PCSK6: variants seen among roughly 807,000 people sequenced by gnomAD.
PCSK6 encodes the protein paired basic amino acid cleaving enzyme 4.
In PCSK6, 85 loss-of-function variants were observed where a neutral mutation model predicts 123.3. The observed-to-expected ratio is 0.69, with a 90% CI of 0.58 to 0.83. PCSK6 has a LOEUF of 0.83. Among genes scored for constraint, PCSK6 ranks in the 40% least tolerant of loss-of-function variants. The probability of loss-of-function intolerance (pLI) is 0.00; values close to 1 mark genes in which losing one functional copy is unlikely to be tolerated. For missense variants in PCSK6, 1,191 were observed against 1,282.3 expected (o/e 0.93, Z 1.09); for synonymous variants, 508 against 516.0 (o/e 0.98, Z 0.21).
chr15:101,324,931 A>G lies in PCSK6; in HGVS notation c.2296T>C (p.Ser766Pro). ...TGGTGATAGAACCCGCGGCGGCAAG[A>G]CAGGCACTGCGTCGCAGCTCTGCTG... ...CSSRAATQCL[S>P]CRRGFYHHQE... The change falls in exon 17 of 22, where the codon TCT becomes CCT. Residue 766 changes from serine to proline, a missense_variant. By Grantham distance (74) the Ser-to-Pro change is moderately conservative (BLOSUM62 -1). Transcript: ENST00000611716. The G allele has an allele frequency of 6.2e-7, 1 of 1,613,530 alleles. No individual in the cohort carries two copies. Among genetic ancestry groups the G allele is most frequent in the East Asian group, 2.2e-5 (1 of 44,868 alleles).
intron 6 of PCSK6, among the ~76,000 whole-genome samples, chr15:101,402,794 G>C (rs78240971): frequency 0.14 from 21,870 of 152,008 alleles, 1,703 homozygotes; most frequent in African/African-American, 0.21. Context: ...AGGATGTGGA[G>C]AAATAGGAAC....
chr15:101,489,344 T>G, intron 1 of PCSK6, 30 bp downstream of exon 1: 1 of 1,122,532 alleles, frequency 8.9e-7, no homozygotes, highest in Non-Finnish European at 1.1e-6. Context: ...GCCGGGAAAG[T>G]TTTGGGCGCG....
At chr15:101,487,833 C>CA (rs1457730672) in intron 1 of PCSK6, among the ~76,000 whole-genome samples, 1 of 151,954 alleles carries the variant, frequency 6.6e-6, no homozygotes, top group African/African-American at 2.4e-5. Flanking sequence ...TACCCGACGG[C>CA]AAAATCTGAA....
chr15:101,442,457 C>T (rs567315783), intron 2 of PCSK6, among the ~76,000 whole-genome samples: 6 of 152,112 alleles, frequency 3.9e-5, no homozygotes, highest in Non-Finnish European at 5.9e-5. Flanking sequence ...AATCAAAACC[C>T]TCACCATGCG....
Position 101,389,677 on chromosome 15 carries a change from C to T in PCSK6, c.1210-113G>A, listed in dbSNP as rs924750966. 189 of 768,530 alleles carry T rather than the reference C, an allele frequency of 2.5e-4. 1 individual carries two copies. In the Middle Eastern group the frequency reaches 3.0e-3, roughly 12 times the overall value. The allele number at this position is 768,530 out of a possible 1,614,324, so 47.6% of individuals were successfully genotyped here. On this transcript the variant is annotated intron_variant, in intron 8 of 21. Transcript: ENST00000611716. Reference sequence around the variant, plus strand: ...AACTGGCAAGCGTGACCCTGGGTCTCGGGAACAAATAAGGTGTTAGGCAAA... The same window carrying T: ...AACTGGCAAGCGTGACCCTGGGTCTTGGGAACAAATAAGGTGTTAGGCAAA...
intron 13 of PCSK6, among the ~76,000 whole-genome samples, chr15:101,332,929 T>G (rs1054954039): frequency 1.3e-5 from 2 of 152,262 alleles, no homozygotes; most frequent in African/African-American, 4.8e-5. Context: ...TATGACAGTT[T>G]GACTTACAAT....
chr15:101,373,072 G>A (rs1392677741), intron 11 of PCSK6, among the ~76,000 whole-genome samples: 2 of 149,868 alleles, frequency 1.3e-5, no homozygotes, highest in African/African-American at 2.4e-5. Flanking sequence ...CCCACAGAGC[G>A]AACACCTAGA....
chr15:101,458,641 C>T (rs531526651), intron 1 of PCSK6, among the ~76,000 whole-genome samples: 6 of 152,284 alleles, frequency 3.9e-5, no homozygotes, highest in Admixed American at 2.0e-4. Flanking sequence ...GCGCGACTGA[C>T]GGTCCCAAAG....
At chr15:101,373,555 T>C (rs2141476766) in intron 11 of PCSK6, among the ~76,000 whole-genome samples, 1 of 152,148 alleles carries the variant, frequency 6.6e-6, no homozygotes, top group Non-Finnish European at 1.5e-5. Context: ...TAACCTAACA[T>C]CCCCAATTAG....
intron 17 of PCSK6, among the ~76,000 whole-genome samples, chr15:101,323,135 G>A (rs963419344): frequency 6.6e-6 from 1 of 152,322 alleles, no homozygotes; most frequent in Admixed American, 6.5e-5. Flanking sequence ...ATCTGGGTTG[G>A]CGCCTCATGA....
chr15:101,443,269 T>C (rs1272572638), intron 2 of PCSK6, among the ~76,000 whole-genome samples: 1 of 152,222 alleles, frequency 6.6e-6, no homozygotes, highest in Non-Finnish European at 1.5e-5. Context: ...AATTTCATTA[T>C]TAAAATACTT....
At chr15:101,489,263 C>T in intron 1 of PCSK6, 111 bp downstream of exon 1, 1 of 692,912 alleles carries the variant, frequency 1.4e-6, no homozygotes, top group African/African-American at 2.5e-5. Flanking sequence ...CGGAGCCTTC[C>T]CACGCGCGCG....
At chr15:101,312,728 A>C (rs955249882) in intron 20 of PCSK6, among the ~76,000 whole-genome samples, 1 of 152,108 alleles carries the variant, frequency 6.6e-6, no homozygotes, top group African/African-American at 2.4e-5. Context: ...GCTACTCGGC[A>C]GGTTGAGGCA....
intron 1 of PCSK6, among the ~76,000 whole-genome samples, chr15:101,454,320 T>C (rs1047313500): frequency 2.6e-5 from 4 of 152,214 alleles, no homozygotes; most frequent in African/African-American, 9.6e-5. Context: ...AATATCTGCA[T>C]ACCCGTGTTC....
chr15:101,359,166 G>T (rs948136230), intron 13 of PCSK6, among the ~76,000 whole-genome samples: 1 of 152,204 alleles, frequency 6.6e-6, no homozygotes, highest in Non-Finnish European at 1.5e-5. Context: ...AGCTTGCATG[G>T]AATGAACTGA....
At chr15:101,474,654 G>A (rs1225478804) in intron 1 of PCSK6, among the ~76,000 whole-genome samples, 1 of 152,088 alleles carries the variant, frequency 6.6e-6, no homozygotes, top group Non-Finnish European at 1.5e-5. Flanking sequence ...TGACACCTCT[G>A]ACCCACTCTC....
intron 19 of PCSK6, 141 bp from the exon 20 acceptor site, chr15:101,313,646 C>G (rs1009764580): frequency 1.5e-6 from 2 of 1,314,396 alleles, no homozygotes; most frequent in Non-Finnish European, 1.0e-6. Flanking sequence ...TTCCCAGGTT[C>G]TGTGAGCTGG....
In PCSK6 at chr15:101,382,117, C is replaced by A. The variant is rs770089107; in HGVS notation, c.1507G>T (p.Val503Leu). 32 of 1,610,496 alleles carry A rather than the reference C, an allele frequency of 2.0e-5. No individual in the cohort carries two copies. Among genetic ancestry groups the A allele is most frequent in the Non-Finnish European group, 2.6e-5 (31 of 1,178,494 alleles). Residue 503 changes from valine (V) to leucine (L), a missense_variant, in exon 11 of 22, where the codon GTG becomes TTG. Transcript: ENST00000611716. ...WTAVPSQHMC[V>L]AASDKRPRSI... The stretch of plus-strand genomic sequence containing the variant: ...CTGGGTCTCTTGTCCGAGGCGGCCA[C>A]ACACATGTGCTGCGATGGCACTGCT...
At chr15:101,475,726 A>C (rs1211886005) in intron 1 of PCSK6, among the ~76,000 whole-genome samples, 1 of 151,132 alleles carries the variant, frequency 6.6e-6, no homozygotes, top group Non-Finnish European at 1.5e-5. Context: ...CCTGGGCTGA[A>C]ATGATCCTCC....
Sources: allele counts gnomAD v4.1 joint callset (sites outside exome capture counted in the v4.1 genomes callset), GRCh38; gene constraint gnomAD v4.1.1; transcripts MANE v1.5; gene names NCBI Gene and HGNC (gene_info 2026-07-23, HGNC 2026-07-21).